EIF2B3: variants seen among roughly 807,000 people sequenced by gnomAD.
EIF2B3 encodes the protein translation initiation factor eIF2B subunit gamma.
In EIF2B3, 20 loss-of-function variants were observed where a neutral mutation model predicts 54.1. The observed-to-expected ratio is 0.37, with a 90% CI of 0.26 to 0.54. EIF2B3 has a LOEUF of 0.54. EIF2B3 is among the 20% of genes least tolerant of loss of function. The pLI is 0.86. For missense variants in EIF2B3, 448 were observed against 547.8 expected, an observed-to-expected ratio of 0.82 and a Z score of 1.82; for synonymous variants, 153 against 188.1, an observed-to-expected ratio of 0.81 and a Z score of 1.52.
At chr1:44,957,293 C>T (rs1644236502) in intron 3 of EIF2B3, among the ~76,000 whole-genome samples, 1 of 152,068 alleles carries the variant, frequency 6.6e-6, no homozygotes, top group South Asian at 2.1e-4. Flanking sequence ...ACCACAAAGT[C>T]AAAAGACATC....
chr1:44,954,001 G>A (rs536545061), intron 3 of EIF2B3, among the ~76,000 whole-genome samples: 2 of 152,174 alleles, frequency 1.3e-5, no homozygotes, highest in South Asian at 2.1e-4. Context: ...GATATACCAG[G>A]CAAATGGAAA....
chr1:44,918,597 G>C (rs1207315465), intron 5 of EIF2B3, among the ~76,000 whole-genome samples: 1 of 151,498 alleles, frequency 6.6e-6, no homozygotes, highest in Non-Finnish European at 1.5e-5. Context: ...CACCAAGTTA[G>C]CCAGGCTGGT....
chr1:44,900,521 G>C (rs1643263906), intron 5 of EIF2B3, among the ~76,000 whole-genome samples: 1 of 150,364 alleles, frequency 6.7e-6, no homozygotes, highest in South Asian at 2.1e-4. Context: ...GAGAGCAAGA[G>C]TTGAAAAAAT....
intron 5 of EIF2B3, among the ~76,000 whole-genome samples, chr1:44,908,734 G>A (rs1275448618): frequency 6.6e-6 from 1 of 152,190 alleles, no homozygotes; most frequent in African/African-American, 2.4e-5. Flanking sequence ...TGAAAATTCT[G>A]GAGAATGTTG....
chr1:44,976,035 T>A (rs1164157568), intron 3 of EIF2B3, among the ~76,000 whole-genome samples: 2 of 151,884 alleles, frequency 1.3e-5, no homozygotes, highest in Non-Finnish European at 2.9e-5. Flanking sequence ...TAGAAGAACA[T>A]CTACACAAAG....
chr1:44,869,356 T>C (rs555221293), intron 10 of EIF2B3, among the ~76,000 whole-genome samples: 1 of 151,538 alleles, frequency 6.6e-6, no homozygotes, highest in African/African-American at 2.4e-5. Context: ...TGCGCACCTA[T>C]AATCCCAACT....
At chr1:44,952,813 A>G (rs1160548514) in intron 3 of EIF2B3, among the ~76,000 whole-genome samples, 1 of 152,016 alleles carries the variant, frequency 6.6e-6, no homozygotes, top group Non-Finnish European at 1.5e-5. Context: ...CGGCCTCCCA[A>G]AGTGCTGGGA....
At chr1:44,946,330 T>G (rs1010784809) in intron 3 of EIF2B3, among the ~76,000 whole-genome samples, 4 of 152,164 alleles carry the variant, frequency 2.6e-5, no homozygotes, top group African/African-American at 4.8e-5. Context: ...TCATCCTCTG[T>G]GCAACTCCAT....
At chr1:44,892,842 G>T (rs543852904) in intron 6 of EIF2B3, among the ~76,000 whole-genome samples, 70 of 152,108 alleles carry the variant, frequency 4.6e-4, no homozygotes, top group Non-Finnish European at 9.4e-4. Context: ...TGTTATTGAA[G>T]TAAAGGACAC....
intron 7 of EIF2B3, 151 bp from the exon 8 acceptor site, chr1:44,880,159 T>G: frequency 1.2e-6 from 1 of 809,278 alleles, no homozygotes; most frequent in African/African-American, 1.7e-5. Context: ...CAAGGGATCC[T>G]CCCACCTCAG....
intron 3 of EIF2B3, among the ~76,000 whole-genome samples, chr1:44,964,131 C>CA (rs36124141): frequency 0.33 from 42,850 of 131,616 alleles, 6,986 homozygotes; most frequent in African/African-American, 0.42. Context: ...ATTTCTTGGC[C>CA]AAAAAAAAAA....
chr1:44,884,531 T>C (rs1008245428), intron 6 of EIF2B3, among the ~76,000 whole-genome samples: 50 of 152,250 alleles, frequency 3.3e-4, no homozygotes, highest in African/African-American at 9.9e-4. Context: ...AAAAATTCTG[T>C]GTTAAGCTGT....
rs1034353043 is a variant in EIF2B3, at chr1:44,916,387, AT to A, written c.566+10240del. ...CAGGGATACACCACCATGCTTGGTT[AT>A]TTTTTTTTATTTTTATTTTTATAGA... On this transcript the variant is annotated intron_variant, in intron 5 of 11. Coordinates refer to ENST00000360403, the MANE Select transcript of EIF2B3 (RefSeq NM_020365.5). Among the ~76,000 whole-genome samples, 8 of 150,168 alleles carry A rather than the reference AT, an allele frequency of 5.3e-5. No homozygotes were observed. In the East Asian group the frequency reaches 7.9e-4, roughly 15 times the overall value.
intron 4 of EIF2B3, among the ~76,000 whole-genome samples, chr1:44,935,954 T>C (rs1643942556): frequency 1.3e-5 from 2 of 149,768 alleles, no homozygotes; most frequent in Non-Finnish European, 3.0e-5. Context: ...TTTTTTTTTT[T>C]CTGTTTCTAT....
chr1:44,900,306 G>C (rs1643254892), intron 5 of EIF2B3, among the ~76,000 whole-genome samples: 1 of 152,050 alleles, frequency 6.6e-6, no homozygotes, highest in Non-Finnish European at 1.5e-5. Flanking sequence ...AATTAGCTGG[G>C]TGTGCTGGCG....
chr1:44,926,695 G>A lies in EIF2B3; in HGVS notation c.499C>T (p.Leu167=). The part of the protein sequence containing the change: ...FIGVDSTGKR[L]LFMANEADLD... Reference sequence around the variant, plus strand: ...TCTGCTTCATTAGCCATGAAGAGCAGCCTCTTTCCTGTGCTGTCCACTCCA... The same window carrying A: ...TCTGCTTCATTAGCCATGAAGAGCAACCTCTTTCCTGTGCTGTCCACTCCA... Residue 167 remains leucine (L), a synonymous_variant, in exon 5 of 12, where the codon CTG becomes TTG. Transcript: ENST00000360403. The A allele has an allele frequency of 6.2e-7, 1 of 1,613,922 alleles. No homozygotes were observed. The highest frequency in any genetic ancestry group is 8.5e-7 in the Non-Finnish European group (1 of 1,180,000).
chr1:44,920,758 T>C (rs1397531201), intron 5 of EIF2B3, among the ~76,000 whole-genome samples: 2 of 152,228 alleles, frequency 1.3e-5, no homozygotes, highest in African/African-American at 4.8e-5. Context: ...TAATTGTGTA[T>C]ATGTACCACA....
intron 5 of EIF2B3, among the ~76,000 whole-genome samples, chr1:44,910,625 G>C (rs1400488197): frequency 2.0e-5 from 2 of 98,166 alleles, no homozygotes; most frequent in South Asian, 3.9e-4. Flanking sequence ...ACCCCCCCAA[G>C]TAATGCTTTT....
chr1:44,921,440 G>T (rs1012710327), intron 5 of EIF2B3, among the ~76,000 whole-genome samples: 5 of 152,182 alleles, frequency 3.3e-5, no homozygotes, highest in Non-Finnish European at 7.4e-5. Context: ...TGCTTGTGGG[G>T]TATTACTCAA....
Sources: allele counts gnomAD v4.1 joint callset (sites outside exome capture counted in the v4.1 genomes callset), GRCh38; gene constraint gnomAD v4.1.1; transcripts MANE v1.5; gene names NCBI Gene and HGNC (gene_info 2026-07-23, HGNC 2026-07-21).